CADPS: variants seen among roughly 807,000 people sequenced by gnomAD.
CADPS encodes calcium-dependent secretion activator 1.
A neutral mutation model predicts 167.3 loss-of-function variants in CADPS; 57 were observed. That is an observed-to-expected ratio of 0.34 (90% CI 0.28 to 0.42). The LOEUF is 0.42. Among genes scored for constraint, CADPS ranks in the 20% least tolerant of loss-of-function variants. The pLI is 1.00. For synonymous variants in CADPS, 676 were observed against 635.3 expected (o/e 1.06, Z -0.96); for missense variants, 1,414 against 1,738.1 (o/e 0.81, Z 3.32).
At chr3:62,699,286 C>G (rs527826706) in intron 3 of CADPS, among the ~76,000 whole-genome samples, 17 of 152,098 alleles carry the variant, frequency 1.1e-4, no homozygotes, top group Non-Finnish European at 1.8e-4. Context: ...ATCCTCCTGC[C>G]TCAGTCTCCC....
chr3:62,545,351 G>A (rs1213375120), intron 11 of CADPS, among the ~76,000 whole-genome samples: 16 of 152,028 alleles, frequency 1.1e-4, no homozygotes, highest in Admixed American at 9.8e-4. Context: ...ATAATAAATC[G>A]TGGAACACTC....
intron 6 of CADPS, among the ~76,000 whole-genome samples, chr3:62,641,120 GA>G (rs1212746923): frequency 6.6e-6 from 1 of 151,910 alleles, no homozygotes; most frequent in East Asian, 1.9e-4. Context: ...CTTTAAAAAG[GA>G]AATCTTATGT....
chr3:62,434,169 C>G (rs548459309), intron 28 of CADPS, among the ~76,000 whole-genome samples: 1 of 152,240 alleles, frequency 6.6e-6, no homozygotes, highest in African/African-American at 2.4e-5. Context: ...GGAATATTCT[C>G]TTACTTTAAA....
At position 62,580,625 on chromosome 3, in the gene CADPS, A is replaced by C. The variant is rs1190328222; in HGVS notation, c.1577+4560T>G. Among the ~76,000 whole-genome samples, 3 of 152,124 alleles carry C rather than the reference A, an allele frequency of 2.0e-5. No homozygotes were observed. In the South Asian group the frequency reaches 6.2e-4, roughly 32 times the overall value. On this transcript the variant is annotated intron_variant, in intron 8 of 29. Transcript: ENST00000383710. ...AAAAAAAGAAAGAGGCAAGAAAAAA[A>C]CCACTGACTGTATATGAGAGAAATC...
rs1220197771 is a variant in CADPS at position 62,874,859 on chromosome 3, G to C, written c.171C>G (p.Ala57=). The change falls in exon 1 of 30, where the codon GCC becomes GCG. Residue 57 remains alanine (A), a synonymous_variant. Coordinates refer to ENST00000383710, the MANE Select transcript of CADPS (RefSeq NM_003716.4). The surrounding 1 kb of genome is among the most constrained non-coding windows in gnomAD (Gnocchi z 7.1). ...CCCCGCCGCCGCCTGCACCCACCCC[G>C]GCTCCGGCGCCGGCGCCGCCGCCCC... ...GLGGGGAGAG[A]GVGAGGGGGS... The C allele has an allele frequency of 2.7e-6, 3 of 1,096,332 alleles. No individual in the cohort carries two copies. Among genetic ancestry groups the C allele is most frequent in the East Asian group, 1.1e-4 (2 of 18,098 alleles). The allele number at this position is 1,096,332 out of a possible 1,614,324, so 67.9% of individuals were successfully genotyped here.
intron 6 of CADPS, among the ~76,000 whole-genome samples, chr3:62,598,434 T>C (rs988335175): frequency 2.0e-5 from 3 of 152,380 alleles, no homozygotes; most frequent in Admixed American, 6.5e-5. Flanking sequence ...CCCTTCCTTA[T>C]CTTCCTTTCC....
chr3:62,841,244 G>A (rs904032883), intron 1 of CADPS, among the ~76,000 whole-genome samples: 2 of 152,178 alleles, frequency 1.3e-5, no homozygotes, highest in African/African-American at 2.4e-5. Flanking sequence ...AAACTCTTTA[G>A]TCTAAAACAA....
At chr3:62,757,052 A>C (rs2084109337) in intron 2 of CADPS, among the ~76,000 whole-genome samples, 2 of 152,204 alleles carry the variant, frequency 1.3e-5, no homozygotes, top group African/African-American at 4.8e-5. Context: ...GAAGGGAGCC[A>C]AGAAAATAGG....
At chr3:62,536,685 G>T in intron 11 of CADPS, 104 bp from the exon 12 acceptor site, 1 of 1,191,700 alleles carries the variant, frequency 8.4e-7, no homozygotes, top group Non-Finnish European at 1.2e-6. Flanking sequence ...ATGAACGTTA[G>T]CTGTTTCCCC....
chr3:62,434,111 A>G (rs1394647820), intron 28 of CADPS, among the ~76,000 whole-genome samples: 1 of 152,230 alleles, frequency 6.6e-6, no homozygotes, highest in Non-Finnish European at 1.5e-5. Context: ...CTTCTTTTAA[A>G]AATTCAGCAT....
At chr3:62,441,742 C>T (rs1485374752) in intron 27 of CADPS, among the ~76,000 whole-genome samples, 1 of 152,172 alleles carries the variant, frequency 6.6e-6, no homozygotes, top group Non-Finnish European at 1.5e-5. Context: ...AGCCTGGCTG[C>T]AAATCTGAAG....
intron 7 of CADPS, among the ~76,000 whole-genome samples, chr3:62,589,720 G>A (rs886709066): frequency 1.1e-4 from 16 of 152,138 alleles, no homozygotes; most frequent in Non-Finnish European, 2.1e-4. Context: ...TGGCTTGATC[G>A]CTCTGGAGAG....
At chr3:62,695,958 A>T (rs1358924364) in intron 3 of CADPS, among the ~76,000 whole-genome samples, 1 of 152,076 alleles carries the variant, frequency 6.6e-6, no homozygotes, top group Admixed American at 6.5e-5. Flanking sequence ...CTTTATTCTG[A>T]ACGCTCCCAC....
chr3:62,522,095 C>A (rs1410309406), intron 13 of CADPS, among the ~76,000 whole-genome samples: 1 of 143,960 alleles, frequency 6.9e-6, no homozygotes, highest in Non-Finnish European at 1.5e-5. Context: ...ATCCTCAAAG[C>A]TCTATCTATC....
chr3:62,795,806 T>C (rs955003981), intron 1 of CADPS, among the ~76,000 whole-genome samples: 7 of 152,206 alleles, frequency 4.6e-5, no homozygotes, highest in African/African-American at 1.7e-4. Context: ...ACTTGGATAG[T>C]AGGGGAAGGC....
At chr3:62,741,927 TCTCAGGA>T (rs1446876634) in intron 3 of CADPS, among the ~76,000 whole-genome samples, 183 of 152,236 alleles carry the variant, frequency 1.2e-3, no homozygotes, top group African/African-American at 4.1e-3. Flanking sequence ...TTCAGCAAAG[TCTCAGGA>T]TACAAAAATC....
At chr3:62,626,607 T>C in intron 6 of CADPS, 1 of 698,522 alleles carries the variant, frequency 1.4e-6, no homozygotes, top group Non-Finnish European at 2.6e-6. Context: ...AGGAAGAACG[T>C]CTTAAATTTG....
intron 28 of CADPS, chr3:62,404,775 ATTTTTTTTTTTTT>A (rs35095820): frequency 2.0e-5 from 2 of 99,726 alleles, no homozygotes; most frequent in African/African-American, 7.3e-5. Flanking sequence ...TAGGAAGTAG[ATTTTTTTTTTTTT>A]TTTTTTTTTT....
chr3:62,469,711 C>A, intron 24 of CADPS: 1 of 176,126 alleles, frequency 5.7e-6, no homozygotes, highest in South Asian at 9.6e-5. Flanking sequence ...GGTTTCACCA[C>A]GTTGGCCAAG....
Sources: gnomAD v4.1 joint callset for allele counts (sites outside exome capture counted in the v4.1 genomes callset) on GRCh38, gnomAD v4.1.1 for gene constraint, Gnocchi (gnomAD v3.1) non-coding constraint, MANE v1.5 for transcripts, NCBI Gene and HGNC (gene_info 2026-07-23, HGNC 2026-07-21) for gene names.